RAB10: variants seen among roughly 807,000 people sequenced by gnomAD.
RAB10 encodes ras-related protein Rab-10.
In RAB10, 5 loss-of-function variants were observed where a neutral mutation model predicts 25.7. That is an observed-to-expected ratio of 0.19 (90% confidence interval 0.10 to 0.41). The LOEUF (loss-of-function observed/expected upper bound fraction) is 0.41. Among genes scored for constraint, RAB10 ranks in the 10% least tolerant of loss-of-function variants. The pLI, the probability that RAB10 is intolerant of heterozygous loss-of-function variation, is 1.00. For synonymous variants in RAB10, 89 were observed against 86.4 expected, an observed-to-expected ratio of 1.03 and a Z score of -0.16; for missense variants, 103 against 245.8, an observed-to-expected ratio of 0.42 and a Z score of 3.89.
intron 3 of RAB10, among the ~76,000 whole-genome samples, chr2:26,117,559 G>A (rs938061950): frequency 2.7e-5 from 4 of 148,854 alleles, no homozygotes; most frequent in Non-Finnish European, 5.9e-5. Context: ...AGCTTGCAGT[G>A]AGCCAAGGTC....
At chr2:26,053,822 C>T (rs187080340) in intron 1 of RAB10, among the ~76,000 whole-genome samples, 111 of 151,986 alleles carry the variant, frequency 7.3e-4, no homozygotes, top group African/African-American at 2.3e-3. Flanking sequence ...CGGGTTCAAG[C>T]GATTCTCCTG....
At chr2:26,102,700 A>C (rs1667368761) in intron 2 of RAB10, among the ~76,000 whole-genome samples, 1 of 152,238 alleles carries the variant, frequency 6.6e-6, no homozygotes, top group South Asian at 2.1e-4. Context: ...GGCCTCCCAA[A>C]GTGCTAGGAT....
chr2:26,056,472 C>T (rs1281030818), intron 1 of RAB10, among the ~76,000 whole-genome samples: 1 of 152,204 alleles, frequency 6.6e-6, no homozygotes, highest in African/African-American at 2.4e-5. Flanking sequence ...GCTGGGATTA[C>T]AGGTGTGAGT....
chr2:26,050,818 G>T (rs4665814), intron 1 of RAB10, among the ~76,000 whole-genome samples: 113,430 of 151,936 alleles, frequency 0.75, 42,559 homozygotes, highest in East Asian at 0.87. Flanking sequence ...CTATACATGG[G>T]TCTCATTTTG....
At chr2:26,071,459 G>A (rs1425381439) in intron 1 of RAB10, among the ~76,000 whole-genome samples, 3 of 152,184 alleles carry the variant, frequency 2.0e-5, no homozygotes, top group African/African-American at 2.4e-5. Context: ...AGGCCAAGGC[G>A]GGTGGATCGC....
At chr2:26,120,916 A>AT (rs928257831) in intron 3 of RAB10, among the ~76,000 whole-genome samples, 6 of 135,044 alleles carry the variant, frequency 4.4e-5, no homozygotes, top group Non-Finnish European at 8.0e-5. Flanking sequence ...GTATATTATA[A>AT]TTTTTTTTTT....
intron 1 of RAB10, among the ~76,000 whole-genome samples, chr2:26,097,162 G>C (rs1321389505): frequency 6.6e-6 from 1 of 152,138 alleles, no homozygotes; most frequent in East Asian, 1.9e-4. Flanking sequence ...GTTACAGTGA[G>C]CTGAGATCAT....
intron 1 of RAB10, among the ~76,000 whole-genome samples, chr2:26,039,970 A>G (rs577448211): frequency 1.5e-4 from 23 of 152,188 alleles, no homozygotes; most frequent in Non-Finnish European, 2.9e-4. Flanking sequence ...GTAATGAAAA[A>G]ATAAATTTTA....
intron 2 of RAB10, among the ~76,000 whole-genome samples, chr2:26,106,392 A>G (rs1667463509): frequency 6.6e-6 from 1 of 152,220 alleles, no homozygotes; most frequent in South Asian, 2.1e-4. Flanking sequence ...GCCTAGACAC[A>G]TAGGAGATTG....
chr2:26,083,779 A>G (rs770530518), intron 1 of RAB10, among the ~76,000 whole-genome samples: 10 of 152,144 alleles, frequency 6.6e-5, no homozygotes, highest in Non-Finnish European at 1.3e-4. Flanking sequence ...CCGGCCCCAC[A>G]AAGTGCTGGG....
At chr2:26,131,032 T>TGC (rs1371007114) in intron 5 of RAB10, among the ~76,000 whole-genome samples, 22 of 148,146 alleles carry the variant, frequency 1.5e-4, no homozygotes, top group Non-Finnish European at 3.0e-4. Context: ...AGTCTTGGCT[T>TGC]TTTTTTTTTT....
chr2:26,061,068 AT>A (rs1363847683), intron 1 of RAB10, among the ~76,000 whole-genome samples: 1 of 130,232 alleles, frequency 7.7e-6, no homozygotes, highest in Non-Finnish European at 1.7e-5. Context: ...TCAGTTGAAA[AT>A]TTTTTTTTCC....
Position 26,034,085 on chromosome 2 carries a change from T to A in RAB10, c.-524T>A. On this transcript the variant is annotated 5_prime_UTR_variant, in exon 1 of 6. Coordinates refer to ENST00000264710, the MANE Select transcript of RAB10 (RefSeq NM_016131.5). ...GGGCGGGCGTACGCCCTTGCGTGCG[T>A]CTCAGGCAGCGCGCACGCCGGCGTG... 4.9e-6 allele frequency: 2 copies of A among 404,570 alleles called. No individual in the cohort carries two copies. Among genetic ancestry groups the A allele is most frequent in the Non-Finnish European group, 8.7e-6 (2 of 228,922 alleles). The allele number at this position is 404,570 out of a possible 1,614,324, so 25.1% of individuals were successfully genotyped here. A position where few individuals can be genotyped will look rare whatever the true frequency, so the allele number is the denominator to read the frequency against.
chr2:26,073,897 A>G (rs1666679794), intron 1 of RAB10, among the ~76,000 whole-genome samples: 1 of 152,220 alleles, frequency 6.6e-6, no homozygotes, highest in Admixed American at 6.5e-5. Flanking sequence ...CAATATAAAT[A>G]AAGGGAGATT....
At chr2:26,068,917 C>T (rs1475478277) in intron 1 of RAB10, among the ~76,000 whole-genome samples, 4 of 152,108 alleles carry the variant, frequency 2.6e-5, no homozygotes, top group Non-Finnish European at 5.9e-5. Flanking sequence ...ATTATCTCTT[C>T]GTGGGGGAGA....
At chr2:26,095,666 C>T (rs1230438384) in intron 1 of RAB10, among the ~76,000 whole-genome samples, 2 of 151,490 alleles carry the variant, frequency 1.3e-5, no homozygotes, top group African/African-American at 4.9e-5. Context: ...ATCCTGACAT[C>T]TTGGGAGTCT....
chr2:26,071,038 A>AT (rs1478974383), intron 1 of RAB10, among the ~76,000 whole-genome samples: 3 of 152,236 alleles, frequency 2.0e-5, no homozygotes, highest in African/African-American at 2.4e-5. Flanking sequence ...TAGTCATTGT[A>AT]TTTACCACCA....
chr2:26,057,726 G>A (rs1239496424), intron 1 of RAB10, among the ~76,000 whole-genome samples: 1 of 151,824 alleles, frequency 6.6e-6, no homozygotes, highest in Non-Finnish European at 1.5e-5. Context: ...GAGTTCAAGT[G>A]ATTCTCTCAC....
At chr2:26,046,150 C>A (rs1053298634) in intron 1 of RAB10, among the ~76,000 whole-genome samples, 1 of 152,084 alleles carries the variant, frequency 6.6e-6, no homozygotes, top group African/African-American at 2.4e-5. Context: ...CATGGAGAAA[C>A]CCTGTTTCTA....
Sources: gnomAD v4.1 joint callset for allele counts (sites outside exome capture counted in the v4.1 genomes callset) on GRCh38, gnomAD v4.1.1 for gene constraint, MANE v1.5 for transcripts, NCBI Gene and HGNC (gene_info 2026-07-23, HGNC 2026-07-21) for gene names.